The following TRERF1 variants were observed in gnomAD, a reference collection of about 807,000 sequenced individuals.
TRERF1 encodes the protein transcriptional regulating factor 1.
In TRERF1, 27 loss-of-function variants were observed where a neutral mutation model predicts 122.9. The ratio of observed to expected loss-of-function variants is 0.22; its 90% CI spans 0.16 to 0.30. The LOEUF is 0.30. Ranked by LOEUF, TRERF1 falls within the 10% of genes least tolerant of loss-of-function variation. The pLI, the probability that TRERF1 is intolerant of heterozygous loss-of-function variation, is 1.00. For synonymous variants in TRERF1, 636 were observed against 641.7 expected (o/e 0.99, Z 0.13); for missense variants, 1,248 against 1,560.3 (o/e 0.80, Z 3.37).
At chr6:42,236,160 G>A (rs372351267) in intron 16 of TRERF1, 45 bp downstream of exon 16, 15 of 1,526,106 alleles carry the variant, frequency 9.8e-6, no homozygotes, top group Non-Finnish European at 1.3e-5. Flanking sequence ...ACAGCTATAT[G>A]GCTCTCACTT....
exon 16 of TRERF1, chr6:42,236,391 C>T (rs1562113572): frequency 1.3e-6 from 2 of 1,555,190 alleles, no homozygotes; most frequent in Non-Finnish European, 8.7e-7. Context: ...CCTCCTCTAA[C>T]TCTTCTTCTT....
At chr6:42,400,726 A>T (rs1252061997) in intron 2 of TRERF1, among the ~76,000 whole-genome samples, 1 of 152,182 alleles carries the variant, frequency 6.6e-6, no homozygotes, top group South Asian at 2.1e-4. Flanking sequence ...CACCAGCAAT[A>T]AAAAAGGAGG....
At chr6:42,398,736 T>C (rs260281) in intron 2 of TRERF1, among the ~76,000 whole-genome samples, 15,431 of 152,256 alleles carry the variant, frequency 0.1, 924 homozygotes, top group African/African-American at 0.15. Flanking sequence ...GATGGGTGGT[T>C]GGATGGACGA....
intron 2 of TRERF1, among the ~76,000 whole-genome samples, chr6:42,379,412 G>C (rs1167125159): frequency 6.6e-6 from 1 of 151,848 alleles, no homozygotes; most frequent in Non-Finnish European, 1.5e-5. Flanking sequence ...TAAAACCAAG[G>C]GCCTGGAGGC....
At chr6:42,422,663 C>A (rs139074029) in intron 2 of TRERF1, among the ~76,000 whole-genome samples, 3 of 152,176 alleles carry the variant, frequency 2.0e-5, no homozygotes, top group East Asian at 1.9e-4. Flanking sequence ...AGTAATTTCA[C>A]GAGATAGGGC....
intron 2 of TRERF1, among the ~76,000 whole-genome samples, chr6:42,440,428 G>A (rs1182718583): frequency 6.6e-6 from 1 of 152,176 alleles, no homozygotes. Flanking sequence ...CCTCAAGTGT[G>A]AAGTGGACAT....
chr6:42,297,373 A>G lies in TRERF1; in HGVS notation c.-259+3265T>C, dbSNP rs962718154. Among the ~76,000 whole-genome samples the G allele has an allele frequency of 2.6e-5, 4 of 152,346 alleles. No individual in the cohort carries two copies. In the South Asian group the frequency reaches 8.3e-4, roughly 32 times the overall value. On this transcript the variant is annotated intron_variant, in intron 4 of 17. Coordinates refer to ENST00000372922, the Ensembl canonical transcript of TRERF1. The stretch of plus-strand genomic sequence containing the variant: ...CAGGAACCTTGGAAGGTGAGCTGGC[A>G]TCAAAGCTGGCTTTTGCCCTGAGGG...
chr6:42,269,118 T>G lies in TRERF1; in HGVS notation c.473A>C (p.Gln158Pro), dbSNP rs761583452. ...CAGCACCTGGGCCATATTGTTGACC[T>G]GAATTCGCAGGTTTTGGTTGGCAAA... The change falls in exon 5 of 18, where the codon CAG becomes CCG. Residue 158 changes from glutamine to proline, a missense_variant. Physicochemically the swap from Gln to Pro is moderately conservative, Grantham distance 76 (BLOSUM62 -1). Coordinates refer to ENST00000372922, the Ensembl canonical transcript of TRERF1. The surrounding 1 kb of genome is among the most constrained non-coding windows in gnomAD (Gnocchi z 4.9). 6.2e-7 allele frequency: 1 copy of G among 1,614,198 alleles called. No homozygotes were observed. Among genetic ancestry groups the G allele is most frequent in the South Asian group, 1.1e-5 (1 of 91,088 alleles).
intron 8 of TRERF1, among the ~76,000 whole-genome samples, chr6:42,261,867 C>G (rs545163822): frequency 1.3e-5 from 2 of 152,268 alleles, no homozygotes; most frequent in African/African-American, 4.8e-5. Context: ...TGAGCAAACT[C>G]CCTTGCCCCT....
intron 2 of TRERF1, among the ~76,000 whole-genome samples, chr6:42,364,524 T>C (rs879874046): frequency 2.6e-5 from 4 of 152,338 alleles, no homozygotes; most frequent in Admixed American, 2.0e-4. Flanking sequence ...AGACTTTGTA[T>C]GATGGAATCA....
intron 2 of TRERF1, among the ~76,000 whole-genome samples, chr6:42,373,691 C>T (rs367598838): frequency 6.6e-6 from 1 of 151,420 alleles, no homozygotes; most frequent in Non-Finnish European, 1.5e-5. Context: ...ATTAGCCAGG[C>T]GTGGTGGCAC....
chr6:42,339,890 T>C (rs1162432796), intron 3 of TRERF1, among the ~76,000 whole-genome samples: 2 of 152,256 alleles, frequency 1.3e-5, no homozygotes, highest in Admixed American at 6.5e-5. Flanking sequence ...AAGTCTATTT[T>C]AATGCTGAAT....
At chr6:42,366,922 G>T (rs1772847602) in intron 2 of TRERF1, among the ~76,000 whole-genome samples, 1 of 152,140 alleles carries the variant, frequency 6.6e-6, no homozygotes, top group African/African-American at 2.4e-5. Flanking sequence ...GAAAACCACA[G>T]GTTTCAAGGG....
At chr6:42,256,130 TAAAAAAA>T (rs11376682) in intron 12 of TRERF1, among the ~76,000 whole-genome samples, 28 of 112,620 alleles carry the variant, frequency 2.5e-4, no homozygotes, top group Non-Finnish European at 3.3e-4. Context: ...GACTCCATCT[TAAAAAAA>T]AAAAAAAAAA....
chr6:42,348,376 C>A (rs535801861), intron 3 of TRERF1, among the ~76,000 whole-genome samples: 59 of 152,296 alleles, frequency 3.9e-4, no homozygotes, highest in Non-Finnish European at 7.5e-4. Context: ...GCCTCAGCCT[C>A]CCAAGTAGCT....
intron 2 of TRERF1, among the ~76,000 whole-genome samples, chr6:42,399,735 G>A (rs1299723266): frequency 6.6e-6 from 1 of 152,176 alleles, no homozygotes; most frequent in African/African-American, 2.4e-5. Flanking sequence ...AGGGAGGAGA[G>A]AACACCTCCA....
At chr6:42,329,366 C>T (rs966435256) in intron 3 of TRERF1, among the ~76,000 whole-genome samples, 1 of 152,046 alleles carries the variant, frequency 6.6e-6, no homozygotes, top group Admixed American at 6.5e-5. Context: ...TCAATCTCTG[C>T]CTCTGAATCG....
chr6:42,239,901 C>T (rs867937034), intron 15 of TRERF1, among the ~76,000 whole-genome samples: 3 of 152,064 alleles, frequency 2.0e-5, no homozygotes, highest in Middle Eastern at 6.8e-3. Context: ...TGCACATAAG[C>T]CTTTTGCTCT....
In TRERF1 at chr6:42,246,442, A is replaced by G; in HGVS notation, c.2745+14T>C. ...ATTTAATTTCAAGGGGGCAATGGGA[A>G]AAATCATGCTTACCATCTTCTGTAC... On this transcript the variant is annotated intron_variant, in intron 14 of 17. Transcript: ENST00000372922. 1 of 1,565,220 alleles carries G rather than the reference A, an allele frequency of 6.4e-7. No homozygotes were observed. The highest frequency in any genetic ancestry group is 8.6e-7 in the Non-Finnish European group (1 of 1,158,354).
Sources: allele counts gnomAD v4.1 joint callset (sites outside exome capture counted in the v4.1 genomes callset), GRCh38; gene constraint gnomAD v4.1.1; non-coding constraint Gnocchi (gnomAD v3.1); transcripts MANE v1.5; gene names NCBI Gene and HGNC (gene_info 2026-07-23, HGNC 2026-07-21).